TTC17: variants seen among roughly 807,000 people sequenced by gnomAD.
TTC17 encodes tetratricopeptide repeat domain 17, also known as tetratricopeptide repeat protein 17.
In TTC17, 58 loss-of-function variants were observed where a neutral mutation model predicts 143.8. That is an observed-to-expected ratio of 0.40 (90% confidence interval 0.33 to 0.50). The LOEUF is 0.50. Ranked by LOEUF, TTC17 falls within the 20% of genes least tolerant of loss-of-function variation. The pLI, the probability that TTC17 is intolerant of heterozygous loss-of-function variation, is 0.49. For synonymous variants in TTC17, 501 were observed against 497.8 expected, an observed-to-expected ratio of 1.01 and a Z score of -0.09; for missense variants, 1,273 against 1,392.5, an observed-to-expected ratio of 0.91 and a Z score of 1.37.
chr11:43,493,649 T>A, intron 23 of TTC17, 124 bp from the exon 24 acceptor site: 2 of 1,431,326 alleles, frequency 1.4e-6, no homozygotes, highest in South Asian at 1.2e-5. Flanking sequence ...AAGACTTAGA[T>A]CCGTTGAGCA....
At chr11:43,388,949 T>C (rs1857274734) in intron 2 of TTC17, among the ~76,000 whole-genome samples, 1 of 150,202 alleles carries the variant, frequency 6.7e-6, no homozygotes, top group African/African-American at 2.5e-5. Context: ...GCACTCAGCC[T>C]GAGTGACAAA....
At chr11:43,390,620 A>G (rs1432222915) in intron 3 of TTC17, among the ~76,000 whole-genome samples, 3 of 151,108 alleles carry the variant, frequency 2.0e-5, no homozygotes, top group African/African-American at 7.3e-5. Context: ...CGTCTCAAAA[A>G]AAATAAAAAA....
rs1453158954 is a variant in TTC17 at position 43,391,511 on chromosome 11, G to C, written c.466G>C (p.Glu156Gln). Residue 156 changes from glutamate (E) to glutamine (Q), a missense_variant, in exon 4 of 24, where the codon GAG (glutamate) becomes CAG (glutamine). Glu to Gln is a conservative substitution (Grantham distance 29, BLOSUM62 2). Coordinates refer to ENST00000039989, the MANE Select transcript of TTC17 (RefSeq NM_018259.6). ...AGAATCTCCTGTCCCTCCAGACCCA[G>C]AGCAACCTGATTGTACTAAAATTCT... ...DTESPVPPDP[E>Q]QPDCTKILEL... The C allele has an allele frequency of 6.2e-7, 1 of 1,608,288 alleles. No individual in the cohort carries two copies. Among genetic ancestry groups the C allele is most frequent in the Admixed American group, 1.7e-5 (1 of 58,092 alleles).
At chr11:43,472,841 T>TAAA (rs140936007) in intron 21 of TTC17, among the ~76,000 whole-genome samples, 1 of 115,054 alleles carries the variant, frequency 8.7e-6, no homozygotes. Context: ...GGAATTAAGC[T>TAAA]AAAAAAAAAA....
At position 43,389,637 on chromosome 11, in the gene TTC17, C is replaced by A; in HGVS notation, c.250-15C>A. On this transcript the variant is annotated splice_polypyrimidine_tract_variant and intron_variant, in intron 2 of 23. Coordinates refer to ENST00000039989, the MANE Select transcript of TTC17 (RefSeq NM_018259.6). Reference sequence around the variant, plus strand: ...ATTAGAAGAATCCATTCTGTTCTTACTTTCTTCTCAACAGAAACAATTAGT... The same window carrying A: ...ATTAGAAGAATCCATTCTGTTCTTAATTTCTTCTCAACAGAAACAATTAGT... The A allele has an allele frequency of 6.3e-7, 1 of 1,597,378 alleles. No homozygotes were observed.
rs1015142151 is a variant in TTC17, at chr11:43,474,098, C to G, written c.3031-16141C>G. 5.1e-4 allele frequency among the ~76,000 whole-genome samples: 78 copies of G among 152,164 alleles called. 1 individual carries two copies. The highest frequency in any genetic ancestry group is 3.4e-3 in the Middle Eastern group (1 of 294). On this transcript the variant is annotated intron_variant, in intron 21 of 23. Coordinates refer to ENST00000039989, the MANE Select transcript of TTC17 (RefSeq NM_018259.6). ...GATTTGTAGCAAATTGGAAACAACC[C>G]AAATGCCCAGCAGTAGCGGAGTGAT...
chr11:43,369,855 G>A (rs1236735971), intron 1 of TTC17, among the ~76,000 whole-genome samples: 1 of 151,974 alleles, frequency 6.6e-6, no homozygotes, highest in Non-Finnish European at 1.5e-5. Flanking sequence ...GACCTCAGGA[G>A]TTCTCCCGCC....
chr11:43,460,105 A>ATT (rs544240364), intron 21 of TTC17, among the ~76,000 whole-genome samples: 5 of 146,418 alleles, frequency 3.4e-5, no homozygotes, highest in African/African-American at 1.0e-4. Context: ...AACACCCTGG[A>ATT]TTTTTTTTTT....
chr11:43,462,435 C>T (rs1224057669), intron 21 of TTC17, among the ~76,000 whole-genome samples: 1 of 152,124 alleles, frequency 6.6e-6, no homozygotes, highest in Non-Finnish European at 1.5e-5. Context: ...GGCTGTGTGA[C>T]AATAGAGGCA....
intron 21 of TTC17, among the ~76,000 whole-genome samples, chr11:43,452,083 C>A (rs761741526): frequency 2.6e-5 from 4 of 152,194 alleles, no homozygotes; most frequent in Admixed American, 6.5e-5. Context: ...AGAATTCAGG[C>A]AGGGTTAGCA....
chr11:43,453,580 G>T (rs1052672828), intron 21 of TTC17, among the ~76,000 whole-genome samples: 1 of 152,142 alleles, frequency 6.6e-6, no homozygotes, highest in Non-Finnish European at 1.5e-5. Flanking sequence ...GTTTCCATGA[G>T]CCCCTTCTTG....
rs1946810797 is a variant in TTC17 at position 43,417,811 on chromosome 11, AC to A, written c.2251+3037del. Among the ~76,000 whole-genome samples the A allele has an allele frequency of 2.0e-5, 3 of 152,254 alleles. No individual in the cohort carries two copies. The South Asian group carries it at 6.2e-4, about 32-fold the overall frequency. ...GGTTGCGGTGAGCTGAGATTGTGCC[AC>A]CGCACGATCCAGCCTGAGTGACAGA... On this transcript the variant is annotated intron_variant, in intron 16 of 23. Coordinates refer to ENST00000039989, the MANE Select transcript of TTC17 (RefSeq NM_018259.6).
At chr11:43,379,482 T>G (rs77046094) in intron 2 of TTC17, among the ~76,000 whole-genome samples, 160 bp downstream of exon 2, 7,287 of 151,282 alleles carry the variant, frequency 0.048, 275 homozygotes, top group African/African-American at 0.11. Flanking sequence ...GTGTGTGTGT[T>G]TTTTCTTTAT....
At chr11:43,460,763 A>G (rs1421787758) in intron 21 of TTC17, among the ~76,000 whole-genome samples, 1 of 152,162 alleles carries the variant, frequency 6.6e-6, no homozygotes, top group African/African-American at 2.4e-5. Flanking sequence ...TGGGGCCTCA[A>G]CTGGGGTGGC....
chr11:43,436,705 C>T (rs1197770757), intron 16 of TTC17, among the ~76,000 whole-genome samples: 1 of 152,116 alleles, frequency 6.6e-6, no homozygotes, highest in Admixed American at 6.6e-5. Flanking sequence ...ATTTTATGAC[C>T]CACATTTTGA....
chr11:43,471,591 G>A (rs1357843543), intron 21 of TTC17, among the ~76,000 whole-genome samples: 1 of 152,216 alleles, frequency 6.6e-6, no homozygotes, highest in African/African-American at 2.4e-5. Flanking sequence ...GCATAAGTTT[G>A]TCTCCAGCTT....
chr11:43,409,643 G>A (rs955530868), intron 15 of TTC17, among the ~76,000 whole-genome samples: 1 of 152,136 alleles, frequency 6.6e-6, no homozygotes, highest in African/African-American at 2.4e-5. Context: ...CAGAGTAAGG[G>A]ATTTATGGGA....
At chr11:43,373,624 T>A (rs1214789461) in intron 1 of TTC17, among the ~76,000 whole-genome samples, 1 of 152,140 alleles carries the variant, frequency 6.6e-6, no homozygotes, top group Non-Finnish European at 1.5e-5. Flanking sequence ...CACGCGGCCC[T>A]AAAAGAAGCT....
At chr11:43,415,721 C>G (rs1238745766) in intron 16 of TTC17, among the ~76,000 whole-genome samples, 1 of 152,136 alleles carries the variant, frequency 6.6e-6, no homozygotes, top group Non-Finnish European at 1.5e-5. Context: ...ACCAGACTGC[C>G]TTACAATTTT....
Sources: allele counts gnomAD v4.1 joint callset (sites outside exome capture counted in the v4.1 genomes callset), GRCh38; gene constraint gnomAD v4.1.1; transcripts MANE v1.5; gene names NCBI Gene and HGNC (gene_info 2026-07-23, HGNC 2026-07-21).